The following NIM1K variants were observed in gnomAD, a reference collection of about 807,000 sequenced individuals.
NIM1K encodes NIM1 serine/threonine protein kinase.
NIM1K carries 35 observed loss-of-function variants against 37.1 expected under a neutral mutation model. The ratio of observed to expected loss-of-function variants is 0.94; its 90% CI spans 0.72 to 1.25. The LOEUF is 1.25. Among genes scored for constraint, NIM1K ranks in the 50% most tolerant of loss-of-function variants. The pLI, the probability that NIM1K is intolerant of heterozygous loss-of-function variation, is 0.00. For missense variants in NIM1K, 564 were observed against 548.0 expected, an observed-to-expected ratio of 1.03 and a Z score of -0.29; for synonymous variants, 234 against 206.6, an observed-to-expected ratio of 1.13 and a Z score of -1.14.
chr5:43,276,040 G>C (rs1753334510), intron 2 of NIM1K, among the ~76,000 whole-genome samples: 1 of 151,554 alleles, frequency 6.6e-6, no homozygotes, highest in Non-Finnish European at 1.5e-5. Context: ...TAGCACAGGT[G>C]CCTGCCACCG....
intron 2 of NIM1K, among the ~76,000 whole-genome samples, chr5:43,255,435 A>G (rs1752927347): frequency 6.6e-6 from 1 of 152,196 alleles, no homozygotes; most frequent in Non-Finnish European, 1.5e-5. Flanking sequence ...TATTCATTGT[A>G]TTATGTAGCG....
At chr5:43,226,762 G>A (rs1183353760) in intron 1 of NIM1K, among the ~76,000 whole-genome samples, 3 of 152,168 alleles carry the variant, frequency 2.0e-5, no homozygotes, top group African/African-American at 7.2e-5. Context: ...TGCTCTCAAG[G>A]ACAGCTTGTG....
intron 1 of NIM1K, among the ~76,000 whole-genome samples, chr5:43,237,261 AC>A (rs2112251398): frequency 6.6e-6 from 1 of 152,324 alleles, no homozygotes; most frequent in African/African-American, 2.4e-5. Context: ...TATTATTTTC[AC>A]AGTGGGTTAT....
chr5:43,222,663 G>T (rs905523421), intron 1 of NIM1K, among the ~76,000 whole-genome samples: 1 of 152,066 alleles, frequency 6.6e-6, no homozygotes, highest in Admixed American at 6.5e-5. Flanking sequence ...TAGCCCAGGA[G>T]TTCGAGGCTG....
intron 1 of NIM1K, among the ~76,000 whole-genome samples, chr5:43,233,648 G>A (rs893488957): frequency 6.6e-6 from 1 of 152,210 alleles, no homozygotes; most frequent in African/African-American, 2.4e-5. Flanking sequence ...CATCCCTCAA[G>A]TGTTCTCTGC....
chr5:43,224,704 T>TG (rs1752428287), intron 1 of NIM1K, among the ~76,000 whole-genome samples: 1 of 150,996 alleles, frequency 6.6e-6, no homozygotes, highest in East Asian at 1.9e-4. Flanking sequence ...TGAATTTTTT[T>TG]TTTTTTTTTT....
intron 2 of NIM1K, among the ~76,000 whole-genome samples, chr5:43,262,193 C>T (rs905707408): frequency 2.0e-5 from 3 of 152,108 alleles, no homozygotes; most frequent in Non-Finnish European, 2.9e-5. Flanking sequence ...TATAAATTAC[C>T]TTGGGCAGAA....
intron 1 of NIM1K, among the ~76,000 whole-genome samples, chr5:43,228,030 C>A (rs1752485144): frequency 6.6e-6 from 1 of 152,180 alleles, no homozygotes; most frequent in Non-Finnish European, 1.5e-5. Flanking sequence ...GTATATTATT[C>A]CATGACCTCA....
intron 1 of NIM1K, among the ~76,000 whole-genome samples, chr5:43,196,753 A>C (rs1408989697): frequency 6.6e-6 from 1 of 151,998 alleles, no homozygotes; most frequent in Non-Finnish European, 1.5e-5. Flanking sequence ...CCTATGTCCA[A>C]ATAATTAGCT....
chr5:43,257,524 T>A (rs554096948), intron 2 of NIM1K, among the ~76,000 whole-genome samples: 1 of 152,006 alleles, frequency 6.6e-6, no homozygotes, highest in South Asian at 2.1e-4. Context: ...TGTGCCACCA[T>A]GCCTGGCTAA....
chr5:43,202,701 C>T (rs556742377), intron 1 of NIM1K, among the ~76,000 whole-genome samples: 5 of 152,140 alleles, frequency 3.3e-5, no homozygotes, highest in Non-Finnish European at 7.3e-5. Context: ...AGTAAATTGC[C>T]ATTTGTTTTT....
In NIM1K at chr5:43,277,779, C is replaced by CGTGTGTGTGTGT. The variant is rs765779433; in HGVS notation, c.561+480_561+491dup. ...CTCTCTCTCCCCCACCCCCCCTCTC[C>CGTGTGTGTGTGT]GTGTGTGTGTGTGTGTGTGTGTGTG... On this transcript the variant is annotated intron_variant, in intron 3 of 3. Coordinates refer to ENST00000326035, the MANE Select transcript of NIM1K (RefSeq NM_153361.4). Among the ~76,000 whole-genome samples the CGTGTGTGTGTGT allele has an allele frequency of 7.1e-5, 9 of 127,508 alleles. No homozygotes were observed. In the East Asian group the frequency reaches 1.2e-3, roughly 17 times the overall value. 83.7% of individuals were successfully genotyped at this position (127,508 alleles called of 152,430 possible).
At chr5:43,240,545 C>CT (rs56934664) in intron 1 of NIM1K, among the ~76,000 whole-genome samples, 2,576 of 136,728 alleles carry the variant, frequency 0.019, 101 homozygotes, top group East Asian at 0.16. Flanking sequence ...CTTTCTTACA[C>CT]TTTTTTTTTT....
chr5:43,263,149 C>CT (rs1307798939), intron 2 of NIM1K, among the ~76,000 whole-genome samples: 1 of 152,152 alleles, frequency 6.6e-6, no homozygotes, highest in Non-Finnish European at 1.5e-5. Flanking sequence ...AGGATTCCCT[C>CT]TTTTTCTATT....
intron 2 of NIM1K, among the ~76,000 whole-genome samples, chr5:43,275,280 T>C (rs1410183455): frequency 1.3e-5 from 2 of 152,214 alleles, no homozygotes; most frequent in African/African-American, 4.8e-5. Context: ...TTTTGATAGC[T>C]TCATGGTGTG....
chr5:43,214,824 AAAAAAAAC>A (rs1752275938), intron 1 of NIM1K, among the ~76,000 whole-genome samples: 2 of 147,552 alleles, frequency 1.4e-5, no homozygotes, highest in Non-Finnish European at 3.0e-5. Context: ...AAAAAAAAAA[AAAAAAAAC>A]AAAAAAGAAA....
At chr5:43,208,595 C>T (rs916830662) in intron 1 of NIM1K, among the ~76,000 whole-genome samples, 6 of 151,048 alleles carry the variant, frequency 4.0e-5, no homozygotes, top group Non-Finnish European at 8.8e-5. Flanking sequence ...GGGCAGGACT[C>T]TGTCTCAAAA....
At chr5:43,219,458 C>G (rs1752351518) in intron 1 of NIM1K, among the ~76,000 whole-genome samples, 1 of 152,140 alleles carries the variant, frequency 6.6e-6, no homozygotes, top group South Asian at 2.1e-4. Flanking sequence ...ACAGGCTGGT[C>G]TCAAACTCCT....
Position 43,243,591 on chromosome 5 carries a change from A to G in NIM1K, c.-694-1491A>G, listed in dbSNP as rs141425116. Among the ~76,000 whole-genome samples, 1,018 of 152,252 alleles carry G rather than the reference A, an allele frequency of 6.7e-3. 10 individuals are homozygous for G. Among genetic ancestry groups the G allele is most frequent in the African/African-American group, 0.024 (981 of 41,562 alleles). ...CTGTAATTCCAGCACTTTGGGAGGTAGAGGTGGGTAAAGAAAAGGAAGAAG... is the reference window on the plus strand; with the variant it reads ...CTGTAATTCCAGCACTTTGGGAGGTGGAGGTGGGTAAAGAAAAGGAAGAAG... On this transcript the variant is annotated intron_variant, in intron 1 of 3. Coordinates refer to ENST00000326035, the MANE Select transcript of NIM1K (RefSeq NM_153361.4).
Sources: allele counts gnomAD v4.1 joint callset (sites outside exome capture counted in the v4.1 genomes callset), GRCh38; gene constraint gnomAD v4.1.1; transcripts MANE v1.5; gene names NCBI Gene and HGNC (gene_info 2026-07-23, HGNC 2026-07-21).